Variants in MAGI2 observed in about 807,000 individuals in gnomAD.
The protein encoded by MAGI2 is membrane-associated guanylate kinase, WW and PDZ domain-containing protein 2.
In MAGI2, 35 loss-of-function variants were observed where a neutral mutation model predicts 133.3. That is an observed-to-expected ratio of 0.26 (90% CI 0.20 to 0.35). The LOEUF (loss-of-function observed/expected upper bound fraction) is 0.35, where lower values mean the gene tolerates loss of function less well. Among genes scored for constraint, MAGI2 ranks in the 10% least tolerant of loss-of-function variants. The pLI, the probability that MAGI2 is intolerant of heterozygous loss-of-function variation, is 1.00. For missense variants in MAGI2, 1,636 were observed against 1,863.4 expected (o/e 0.88, Z 2.25); for synonymous variants, 729 against 710.6 (o/e 1.03, Z -0.41).
At position 79,453,155 on chromosome 7, in the gene MAGI2, T is replaced by C; in HGVS notation, c.166A>G (p.Ser56Gly). ...TCCTCCGACACCAATTTGCTGCCGC[T>C]CTCATAGGCCACCTTGCCGGGCTTC... ...EVKPGKVAYE[S>G]GSKLVSEELL... Residue 56 changes from serine (S) to glycine (G), a missense_variant, in exon 1 of 22, where the codon AGC becomes GGC. Around this residue, in one of 5 missense-constraint regions of MAGI2, gnomAD observed 148 missense variants for 239.0 expected, o/e 0.62. Coordinates refer to ENST00000354212, the MANE Select transcript of MAGI2 (RefSeq NM_012301.4). The C allele has an allele frequency of 6.2e-7, 1 of 1,613,872 alleles. No individual in the cohort carries two copies. The highest frequency in any genetic ancestry group is 8.5e-7 in the Non-Finnish European group (1 of 1,180,004).
intron 1 of MAGI2, among the ~76,000 whole-genome samples, chr7:79,344,521 C>T (rs543908717): frequency 3.3e-5 from 5 of 151,978 alleles, no homozygotes; most frequent in Middle Eastern, 3.4e-3. Flanking sequence ...GGTTTACAGG[C>T]CACATAAAAG....
At chr7:79,005,623 T>C (rs1807357406) in intron 2 of MAGI2, among the ~76,000 whole-genome samples, 1 of 152,204 alleles carries the variant, frequency 6.6e-6, no homozygotes, top group African/African-American at 2.4e-5. Flanking sequence ...TTCTCAGCTT[T>C]TAAACATAAT....
At chr7:79,306,730 C>A (rs1837846914) in intron 1 of MAGI2, among the ~76,000 whole-genome samples, 1 of 152,088 alleles carries the variant, frequency 6.6e-6, no homozygotes. Context: ...CTGTGTATAC[C>A]TACTCTGAGA....
At chr7:78,211,860 C>T (rs150071241) in intron 10 of MAGI2, among the ~76,000 whole-genome samples, 21 of 152,246 alleles carry the variant, frequency 1.4e-4, no homozygotes, top group African/African-American at 3.6e-4. Flanking sequence ...GTATGGACTA[C>T]GACTTGTTTT....
intron 2 of MAGI2, among the ~76,000 whole-genome samples, chr7:78,870,195 C>T (rs1045835890): frequency 2.0e-5 from 3 of 151,578 alleles, no homozygotes; most frequent in African/African-American, 4.8e-5. Context: ...ACAAAAAATA[C>T]AAAAATTAGC....
intron 2 of MAGI2, among the ~76,000 whole-genome samples, chr7:78,657,167 A>T (rs2151030397): frequency 6.6e-6 from 1 of 152,350 alleles, no homozygotes; most frequent in South Asian, 2.1e-4. Flanking sequence ...AAAATCCAGA[A>T]CACAGACAAC....
At chr7:78,207,552 T>C (rs1787226064) in intron 10 of MAGI2, among the ~76,000 whole-genome samples, 1 of 152,222 alleles carries the variant, frequency 6.6e-6, no homozygotes, top group African/African-American at 2.4e-5. Flanking sequence ...CTAATTTCCA[T>C]GAGAACTAGT....
intron 2 of MAGI2, among the ~76,000 whole-genome samples, chr7:78,677,328 G>A (rs928946011): frequency 2.0e-5 from 3 of 151,004 alleles, no homozygotes; most frequent in Non-Finnish European, 4.4e-5. Flanking sequence ...TTATATAAAT[G>A]TATGGAAGCC....
intron 1 of MAGI2, among the ~76,000 whole-genome samples, chr7:79,385,730 G>A (rs529284713): frequency 1.3e-4 from 19 of 151,906 alleles, no homozygotes; most frequent in Non-Finnish European, 2.1e-4. Context: ...GGATACAAAA[G>A]AGCGAATATG....
intron 9 of MAGI2, among the ~76,000 whole-genome samples, chr7:78,315,278 G>A (rs556258259): frequency 7.9e-5 from 12 of 152,160 alleles, no homozygotes; most frequent in South Asian, 2.1e-4. Flanking sequence ...GGCTCAGGAC[G>A]TCTGTGGGCC....
chr7:78,644,956 A>G (rs1271899281), intron 2 of MAGI2, among the ~76,000 whole-genome samples: 1 of 152,218 alleles, frequency 6.6e-6, no homozygotes, highest in Non-Finnish European at 1.5e-5. Context: ...TTTGATGGAT[A>G]TTAAAAGGAT....
At chr7:78,573,188 T>TTATATA in intron 3 of MAGI2, among the ~76,000 whole-genome samples, 1 of 78,116 alleles carries the variant, frequency 1.3e-5, no homozygotes, top group South Asian at 3.5e-4. Context: ...CCTGGAACTT[T>TTATATA]TATATATATA....
intron 2 of MAGI2, among the ~76,000 whole-genome samples, chr7:78,769,496 C>T (rs1825364593): frequency 1.5e-5 from 1 of 67,694 alleles, no homozygotes; most frequent in Non-Finnish European, 3.0e-5. Context: ...ACCGTCACCA[C>T]CCACTCCCCA....
At chr7:79,020,048 G>T (rs1809137157) in intron 1 of MAGI2, among the ~76,000 whole-genome samples, 1 of 152,202 alleles carries the variant, frequency 6.6e-6, no homozygotes, top group East Asian at 1.9e-4. Flanking sequence ...AAGACTTGTT[G>T]AATGGCTTTG....
intron 21 of MAGI2, among the ~76,000 whole-genome samples, chr7:78,048,924 T>G (rs1044205141): frequency 8.8e-5 from 13 of 147,814 alleles, no homozygotes; most frequent in African/African-American, 3.3e-4. Context: ...CTGGCCAACA[T>G]GGTGAAACCC....
At chr7:78,883,014 G>A (rs1225904151) in intron 2 of MAGI2, among the ~76,000 whole-genome samples, 1 of 151,994 alleles carries the variant, frequency 6.6e-6, no homozygotes, top group Non-Finnish European at 1.5e-5. Context: ...AGAACAATCA[G>A]GCAAGACAAA....
intron 2 of MAGI2, among the ~76,000 whole-genome samples, chr7:78,819,636 A>G (rs1445594121): frequency 6.6e-6 from 1 of 151,882 alleles, no homozygotes; most frequent in African/African-American, 2.4e-5. Flanking sequence ...GACAATGTGT[A>G]TGTGTGTGTG....
chr7:78,336,600 C>A (rs1022158022), intron 9 of MAGI2, among the ~76,000 whole-genome samples: 1 of 152,062 alleles, frequency 6.6e-6, no homozygotes, highest in Admixed American at 6.6e-5. Flanking sequence ...TGGTGCAAGC[C>A]TGTGGTTCTA....
At chr7:79,176,033 A>C (rs557479500) in intron 1 of MAGI2, among the ~76,000 whole-genome samples, 1 of 152,088 alleles carries the variant, frequency 6.6e-6, no homozygotes, top group African/African-American at 2.4e-5. Flanking sequence ...AGACCTGCTA[A>C]TATAATAGTT....
Sources: allele counts gnomAD v4.1 joint callset (sites outside exome capture counted in the v4.1 genomes callset), GRCh38; gene constraint gnomAD v4.1.1; regional missense constraint gnomAD v4.1.1; transcripts MANE v1.5; gene names NCBI Gene and HGNC (gene_info 2026-07-23, HGNC 2026-07-21).